CPA6: variants seen among roughly 807,000 people sequenced by gnomAD.
CPA6 encodes the protein carboxypeptidase A6.
A neutral mutation model predicts 63.3 loss-of-function variants in CPA6; 58 were observed. The observed-to-expected ratio is 0.92, with a 90% CI of 0.74 to 1.14. The LOEUF is 1.14. Ranked by LOEUF, CPA6 falls within the 50% of genes most tolerant of loss-of-function variation. The pLI is 0.00. For synonymous variants in CPA6, 185 were observed against 179.0 expected (o/e 1.03, Z -0.27); for missense variants, 565 against 526.6 (o/e 1.07, Z -0.71).
chr8:67,518,839 C>T (rs925481997), intron 2 of CPA6, among the ~76,000 whole-genome samples: 3 of 152,110 alleles, frequency 2.0e-5, no homozygotes, highest in Non-Finnish European at 4.4e-5. Flanking sequence ...GGTGCCTGCT[C>T]TTCCTCCAAC....
intron 2 of CPA6, among the ~76,000 whole-genome samples, chr8:67,595,113 C>A (rs1399135387): frequency 1.3e-5 from 2 of 152,152 alleles, no homozygotes; most frequent in African/African-American, 4.8e-5. Flanking sequence ...GGACCCTCAG[C>A]TGCAGGTCTG....
chr8:67,731,810 T>A (rs1231936000), intron 1 of CPA6, among the ~76,000 whole-genome samples: 1 of 152,208 alleles, frequency 6.6e-6, no homozygotes, highest in African/African-American at 2.4e-5. Flanking sequence ...AATAAAGTTC[T>A]GAAAGATACA....
At chr8:67,664,198 T>G (rs984643926) in intron 1 of CPA6, among the ~76,000 whole-genome samples, 1 of 152,236 alleles carries the variant, frequency 6.6e-6, no homozygotes, top group East Asian at 1.9e-4. Flanking sequence ...AAGACTGCCA[T>G]TCTTAAATTC....
intron 2 of CPA6, among the ~76,000 whole-genome samples, chr8:67,550,723 G>C (rs1163027434): frequency 6.6e-6 from 1 of 151,982 alleles, no homozygotes; most frequent in Admixed American, 6.6e-5. Flanking sequence ...CTTTTTAATA[G>C]TAGCCATCCT....
intron 2 of CPA6, among the ~76,000 whole-genome samples, chr8:67,532,108 A>G (rs919949744): frequency 1.3e-5 from 2 of 152,100 alleles, no homozygotes; most frequent in Non-Finnish European, 2.9e-5. Context: ...CAACTACAAA[A>G]AAGTAAAAAA....
In CPA6 at chr8:67,594,252, C is replaced by A. The variant is rs930169437; in HGVS notation, c.192+29924G>T. Among the ~76,000 whole-genome samples, 12 of 152,080 alleles carry A rather than the reference C, an allele frequency of 7.9e-5. 1 individual carries two copies. In the South Asian group the frequency reaches 8.3e-4, roughly 11 times the overall value. ...CTTGTAGAGTTTCTGCCGAGAGATC[C>A]GCTGTTAGTCTGATGGGCTTCCCTT... On this transcript the variant is annotated intron_variant, in intron 2 of 10. Transcript: ENST00000297770.
chr8:67,719,803 G>A (rs553198449), intron 1 of CPA6, among the ~76,000 whole-genome samples: 3 of 152,274 alleles, frequency 2.0e-5, no homozygotes, highest in East Asian at 1.9e-4. Context: ...TTGATTCTGC[G>A]TGGCTGGGTT....
rs558084530 is a variant in CPA6 at position 67,601,597 on chromosome 8, T to G, written c.192+22579A>C. 1.2e-4 allele frequency among the ~76,000 whole-genome samples: 19 copies of G among 152,320 alleles called. No homozygotes were observed. In the South Asian group the frequency reaches 3.7e-3, roughly 30 times the overall value. ...AAAATTGTGGGTTTTTTGAAGATAA[T>G]GTACAAATTATTTTAAACTTGAGGA... On this transcript the variant is annotated intron_variant, in intron 2 of 10. Coordinates refer to ENST00000297770, the MANE Select transcript of CPA6 (RefSeq NM_020361.5).
chr8:67,674,161 G>A (rs939125275), intron 1 of CPA6, among the ~76,000 whole-genome samples: 1 of 152,174 alleles, frequency 6.6e-6, no homozygotes, highest in African/African-American at 2.4e-5. Flanking sequence ...TAAGCCTAAC[G>A]TCATATAGCT....
At chr8:67,663,762 C>T (rs976040911) in intron 1 of CPA6, among the ~76,000 whole-genome samples, 7 of 152,122 alleles carry the variant, frequency 4.6e-5, no homozygotes, top group African/African-American at 9.7e-5. Flanking sequence ...TTTTCTTTGT[C>T]CAGTCTATCA....
At chr8:67,518,756 C>A (rs1195655147) in intron 2 of CPA6, among the ~76,000 whole-genome samples, 1 of 151,988 alleles carries the variant, frequency 6.6e-6, no homozygotes, top group South Asian at 2.1e-4. Flanking sequence ...AGTGATCCAC[C>A]CTTCTTGGCC....
At position 67,451,306 on chromosome 8, in the gene CPA6, C is replaced by A. The variant is rs184784998; in HGVS notation, c.839-17066G>T. Among the ~76,000 whole-genome samples the A allele has an allele frequency of 1.5e-4, 23 of 152,308 alleles. No homozygotes were observed. In the East Asian group the frequency reaches 3.5e-3, roughly 23 times the overall value. On this transcript the variant is annotated intron_variant, in intron 8 of 10. Coordinates refer to ENST00000297770, the MANE Select transcript of CPA6 (RefSeq NM_020361.5). ...AGGTGAGCTCTGCCTCCTGTCAGAT[C>A]AGTGGCAACATTAGATTCTCATAGG...
At chr8:67,584,052 G>A (rs1813853035) in intron 2 of CPA6, among the ~76,000 whole-genome samples, 1 of 152,184 alleles carries the variant, frequency 6.6e-6, no homozygotes, top group African/African-American at 2.4e-5. Context: ...CAGCTACTTG[G>A]GAGACTGAGG....
intron 1 of CPA6, among the ~76,000 whole-genome samples, chr8:67,686,769 T>C (rs945553068): frequency 6.6e-6 from 1 of 152,198 alleles, no homozygotes; most frequent in African/African-American, 2.4e-5. Flanking sequence ...AGGAACAGAT[T>C]TATGAACACA....
At chr8:67,664,785 T>TGACACAA (rs1816192243) in intron 1 of CPA6, among the ~76,000 whole-genome samples, 1 of 152,118 alleles carries the variant, frequency 6.6e-6, no homozygotes, top group African/African-American at 2.4e-5. Flanking sequence ...ACAAAGGGCA[T>TGACACAA]AGGTCTGTCT....
rs866127539 is a variant in CPA6, at chr8:67,615,776, T to C, written c.192+8400A>G. ...AGGAAGCACAAAGGGATATAGATGT[T>C]AGGGTCTAACAGTCTATAGAATTCA... On this transcript the variant is annotated intron_variant, in intron 2 of 10. Coordinates refer to ENST00000297770, the MANE Select transcript of CPA6 (RefSeq NM_020361.5). 5.3e-5 allele frequency among the ~76,000 whole-genome samples: 8 copies of C among 152,284 alleles called. No homozygotes were observed. In the South Asian group the frequency reaches 1.7e-3, roughly 32 times the overall value.
At chr8:67,625,263 C>T (rs1023836209) in intron 1 of CPA6, among the ~76,000 whole-genome samples, 1 of 152,150 alleles carries the variant, frequency 6.6e-6, no homozygotes, top group Non-Finnish European at 1.5e-5. Context: ...CCAGAAGAAT[C>T]CACCTGTGTT....
chr8:67,429,173 G>GTC (rs1381033660), intron 9 of CPA6, among the ~76,000 whole-genome samples: 1 of 152,136 alleles, frequency 6.6e-6, no homozygotes, highest in African/African-American at 2.4e-5. Flanking sequence ...GAGGTAGAAA[G>GTC]TCTAAGGTGG....
intron 1 of CPA6, among the ~76,000 whole-genome samples, chr8:67,731,043 A>G (rs1329399979): frequency 6.6e-6 from 1 of 152,190 alleles, no homozygotes; most frequent in African/African-American, 2.4e-5. Flanking sequence ...TCTTTCCACT[A>G]GTTGGTTTAG....
Sources: allele counts gnomAD v4.1 joint callset (sites outside exome capture counted in the v4.1 genomes callset), GRCh38; gene constraint gnomAD v4.1.1; transcripts MANE v1.5; gene names NCBI Gene and HGNC (gene_info 2026-07-23, HGNC 2026-07-21).